SHTN1: variants seen among roughly 807,000 people sequenced by gnomAD.
The protein encoded by SHTN1 is shootin 1, also known as shootin-1.
SHTN1 carries 42 observed loss-of-function variants against 83.1 expected under a neutral mutation model. That is an observed-to-expected ratio of 0.51 (90% CI 0.39 to 0.65). SHTN1 has a LOEUF of 0.65. SHTN1 is among the 30% of genes least tolerant of loss of function. SHTN1 has a pLI of 0.00. For missense variants in SHTN1, 622 were observed against 737.8 expected, an observed-to-expected ratio of 0.84 and a Z score of 1.82; for synonymous variants, 224 against 247.7, an observed-to-expected ratio of 0.90 and a Z score of 0.90.
chr10:116,901,004 C>A, intron 16 of SHTN1: 1 of 985,388 alleles, frequency 1.0e-6, no homozygotes. Flanking sequence ...AAAAGGGGTT[C>A]TTTCTCTCTT....
chr10:117,006,565 C>CAAAAA, upstream of SHTN1, among the ~76,000 whole-genome samples: 1 of 92,632 alleles, frequency 1.1e-5, no homozygotes, highest in African/African-American at 4.2e-5. Flanking sequence ...GACTCCGTCT[C>CAAAAA]AAAAAAAAAA....
intron 2 of SHTN1, among the ~76,000 whole-genome samples, chr10:117,042,877 A>C (rs896465508): frequency 6.6e-6 from 1 of 151,992 alleles, no homozygotes; most frequent in Non-Finnish European, 1.5e-5. Flanking sequence ...CAGCCTCCCA[A>C]AGTGCTGGGA....
intron 15 of SHTN1, among the ~76,000 whole-genome samples, chr10:116,904,968 G>A (rs915481490): frequency 1.7e-4 from 26 of 151,896 alleles, no homozygotes; most frequent in African/African-American, 4.6e-4. Context: ...TTGGGAGGCC[G>A]AGGCGGGTGG....
Position 116,888,356 on chromosome 10 carries a change from C to A in SHTN1, c.1674-1790G>T, listed in dbSNP as rs186046519. ...ATTTAAAAGCCTGTGATGGGAGAAG[C>A]AGAACAACTATGAGTAATATTAAGG... On this transcript the variant is annotated intron_variant, in intron 16 of 16. Transcript: ENST00000355371. Among the ~76,000 whole-genome samples, 1,338 of 152,270 alleles carry A rather than the reference C, an allele frequency of 8.8e-3. 20 individuals carry two copies. Among genetic ancestry groups the A allele is most frequent in the Middle Eastern group, 0.024 (7 of 294 alleles).
chr10:117,107,258 C>A (rs2169927), intron 1 of SHTN1, among the ~76,000 whole-genome samples: 147,677 of 152,238 alleles, frequency 0.97, 71,809 homozygotes, highest in East Asian at 1. Context: ...AGTTTTGGGA[C>A]GGTGAAGTAC....
At chr10:117,049,457 A>G (rs1440901547) in intron 1 of SHTN1, among the ~76,000 whole-genome samples, 5 of 152,216 alleles carry the variant, frequency 3.3e-5, no homozygotes, top group African/African-American at 1.2e-4. Context: ...CAAGGGAGAT[A>G]GTGGTGATGC....
chr10:117,126,118 G>A (rs984989162), intron 1 of SHTN1, among the ~76,000 whole-genome samples: 1 of 152,182 alleles, frequency 6.6e-6, no homozygotes, highest in South Asian at 2.1e-4. Context: ...CTTTCAGGGG[G>A]CGCTGCCGCC....
upstream of SHTN1, among the ~76,000 whole-genome samples, chr10:117,009,852 G>A (rs1015692092): frequency 2.6e-5 from 4 of 151,876 alleles, no homozygotes; most frequent in Non-Finnish European, 2.9e-5. Flanking sequence ...GCAATGAGCC[G>A]AGATCGCGCC....
intron 1 of SHTN1, among the ~76,000 whole-genome samples, chr10:117,062,348 G>A (rs1852915685): frequency 6.6e-6 from 1 of 152,214 alleles, no homozygotes; most frequent in Non-Finnish European, 1.5e-5. Flanking sequence ...AAAAGATCCT[G>A]AGTATTGTGT....
chr10:116,915,038 A>G (rs1025367312), intron 13 of SHTN1, among the ~76,000 whole-genome samples: 2 of 152,242 alleles, frequency 1.3e-5, no homozygotes, highest in African/African-American at 4.8e-5. Context: ...CATCTGGCAC[A>G]TAGCAGATAA....
At chr10:117,070,572 C>A (rs981228918) in intron 1 of SHTN1, among the ~76,000 whole-genome samples, 7 of 151,792 alleles carry the variant, frequency 4.6e-5, no homozygotes, top group African/African-American at 9.7e-5. Flanking sequence ...AAAGCTATCT[C>A]TAACAATAAA....
At chr10:117,058,658 T>C (rs1337907946) in intron 1 of SHTN1, among the ~76,000 whole-genome samples, 2 of 152,214 alleles carry the variant, frequency 1.3e-5, no homozygotes, top group Non-Finnish European at 2.9e-5. Flanking sequence ...CTTCTGAGTA[T>C]ATACTCAAAA....
At chr10:117,021,308 A>G (rs1852261060) in intron 2 of SHTN1, among the ~76,000 whole-genome samples, 1 of 152,088 alleles carries the variant, frequency 6.6e-6, no homozygotes, top group Non-Finnish European at 1.5e-5. Context: ...GGGGAGGCTG[A>G]GGCAGGAGAA....
intron 2 of SHTN1, among the ~76,000 whole-genome samples, chr10:117,042,869 G>A (rs1055141888): frequency 1.3e-5 from 2 of 152,104 alleles, no homozygotes; most frequent in African/African-American, 2.4e-5. Flanking sequence ...ACCCGCCTCA[G>A]CCTCCCAAAG....
At chr10:116,992,461 GC>G (rs1851472896) in intron 1 of SHTN1, among the ~76,000 whole-genome samples, 1 of 152,184 alleles carries the variant, frequency 6.6e-6, no homozygotes, top group Non-Finnish European at 1.5e-5. Flanking sequence ...CAGGATGCCA[GC>G]AAATGCTGTT....
At chr10:117,101,391 C>T (rs1853590350) in intron 1 of SHTN1, among the ~76,000 whole-genome samples, 2 of 151,892 alleles carry the variant, frequency 1.3e-5, no homozygotes, top group African/African-American at 4.8e-5. Context: ...GGAAATGAGC[C>T]AAGTTGAAAA....
intron 1 of SHTN1, among the ~76,000 whole-genome samples, chr10:117,059,462 AAAC>A (rs1852870072): frequency 1.3e-5 from 2 of 152,222 alleles, no homozygotes; most frequent in Non-Finnish European, 2.9e-5. Context: ...CAAAAACCGA[AAAC>A]AACATAGATG....
intron 4 of SHTN1, among the ~76,000 whole-genome samples, chr10:116,959,242 T>A (rs561975691): frequency 1.6e-4 from 25 of 152,354 alleles, no homozygotes; most frequent in Non-Finnish European, 2.9e-4. Context: ...GGAGAGAAGT[T>A]ACATACCCAA....
chr10:117,122,272 T>G (rs1430469576), intron 1 of SHTN1, among the ~76,000 whole-genome samples: 2 of 152,118 alleles, frequency 1.3e-5, no homozygotes, highest in Non-Finnish European at 2.9e-5. Context: ...CTCAACCTAT[T>G]GGGCTCAAGT....
Sources: allele counts gnomAD v4.1 joint callset (sites outside exome capture counted in the v4.1 genomes callset), GRCh38; gene constraint gnomAD v4.1.1; transcripts MANE v1.5; gene names NCBI Gene and HGNC (gene_info 2026-07-23, HGNC 2026-07-21).